The following HDAC9 variants were observed in gnomAD, a reference collection of about 807,000 sequenced individuals.
The protein encoded by HDAC9 is MEF-2 interacting transcription repressor (MITR) protein.
HDAC9 carries 41 observed loss-of-function variants against 139.4 expected under a neutral mutation model. The observed-to-expected ratio is 0.29, with a 90% CI of 0.23 to 0.38. The LOEUF is 0.38. HDAC9 is among the 10% of genes least tolerant of loss of function. The pLI is 1.00. For synonymous variants in HDAC9, 517 were observed against 476.2 expected (o/e 1.09, Z -1.12); for missense variants, 1,147 against 1,297.0 (o/e 0.88, Z 1.78).
intron 6 of HDAC9, among the ~76,000 whole-genome samples, chr7:18,617,928 C>T (rs1038681720): frequency 5.3e-5 from 8 of 152,060 alleles, no homozygotes; most frequent in East Asian, 3.8e-4. Flanking sequence ...TAACTGCTTC[C>T]GGATGACTGT....
At chr7:18,931,971 G>A (rs1167927834) in intron 22 of HDAC9, among the ~76,000 whole-genome samples, 1 of 152,112 alleles carries the variant, frequency 6.6e-6, no homozygotes, top group African/African-American at 2.4e-5. Context: ...AACACAAAGT[G>A]TGAACCTCAA....
At chr7:18,865,391 A>T (rs1352718381) in intron 21 of HDAC9, among the ~76,000 whole-genome samples, 1 of 152,164 alleles carries the variant, frequency 6.6e-6, no homozygotes, top group African/African-American at 2.4e-5. Context: ...GGGAGTGGTA[A>T]AAGAGAGAAG....
At chr7:18,107,037 T>C (rs558660728) in intron 1 of HDAC9, among the ~76,000 whole-genome samples, 159 of 152,342 alleles carry the variant, frequency 1.0e-3, no homozygotes, top group African/African-American at 3.5e-3. Flanking sequence ...TTATGTTTCA[T>C]AGTTTTTAAA....
At chr7:18,779,282 A>T (rs1250029726) in intron 16 of HDAC9, among the ~76,000 whole-genome samples, 1 of 152,082 alleles carries the variant, frequency 6.6e-6, no homozygotes, top group Non-Finnish European at 1.5e-5. Context: ...TCAGCAGAAC[A>T]TCTAACACGA....
exon 1 of HDAC9, chr7:18,086,987 C>G (rs1562603781): frequency 1.3e-5 from 2 of 149,916 alleles, no homozygotes; most frequent in East Asian, 2.0e-4. Flanking sequence ...GCCCGCCGCT[C>G]TCGCCGCTTT....
chr7:18,349,579 A>G (rs1187040472), intron 1 of HDAC9, among the ~76,000 whole-genome samples: 1 of 151,970 alleles, frequency 6.6e-6, no homozygotes, highest in African/African-American at 2.4e-5. Context: ...GAATTGGGGG[A>G]CATATCTGAT....
intron 11 of HDAC9, among the ~76,000 whole-genome samples, chr7:18,653,407 G>T (rs577445722): frequency 6.6e-6 from 1 of 151,724 alleles, no homozygotes; most frequent in South Asian, 2.1e-4. Context: ...TTGCTTGCTC[G>T]CTTGTTCTCT....
intron 12 of HDAC9, among the ~76,000 whole-genome samples, chr7:18,692,519 C>G (rs943931771): frequency 2.6e-5 from 4 of 152,090 alleles, no homozygotes; most frequent in Non-Finnish European, 5.9e-5. Context: ...TGAACTGTAA[C>G]TTAAAACAAA....
intron 22 of HDAC9, among the ~76,000 whole-genome samples, chr7:18,914,576 A>G (rs990114550): frequency 5.3e-5 from 8 of 152,066 alleles, no homozygotes; most frequent in Admixed American, 1.3e-4. Context: ...ATAATTTAAC[A>G]TTTATAATGG....
chr7:18,495,217 G>A (rs923835111), upstream of HDAC9, among the ~76,000 whole-genome samples: 3 of 152,012 alleles, frequency 2.0e-5, no homozygotes, highest in African/African-American at 7.2e-5. Context: ...CTGAGAAACA[G>A]GCAACAAAAA....
intron 25 of HDAC9, among the ~76,000 whole-genome samples, chr7:18,987,535 G>T (rs1409261967): frequency 6.6e-6 from 1 of 151,462 alleles, no homozygotes; most frequent in Non-Finnish European, 1.5e-5. Context: ...TCTCTTTTTT[G>T]GTTGTGTCTC....
At chr7:18,826,924 G>T (rs143278789) in intron 17 of HDAC9, among the ~76,000 whole-genome samples, 252 of 150,704 alleles carry the variant, frequency 1.7e-3, no homozygotes, top group African/African-American at 6.0e-3. Context: ...TTCCCCATTA[G>T]ATAATTCATT....
intron 1 of HDAC9, among the ~76,000 whole-genome samples, chr7:18,348,943 C>A (rs995183995): frequency 6.6e-6 from 1 of 152,124 alleles, no homozygotes; most frequent in African/African-American, 2.4e-5. Flanking sequence ...GTAATTGAGA[C>A]AGCATCTTAT....
chr7:18,700,077 G>C (rs1783348793), intron 12 of HDAC9, among the ~76,000 whole-genome samples: 1 of 152,038 alleles, frequency 6.6e-6, no homozygotes, highest in South Asian at 2.1e-4. Flanking sequence ...GATGGTTATA[G>C]AGTAACAGGC....
chr7:18,187,356 A>G (rs978724696), intron 2 of HDAC9, among the ~76,000 whole-genome samples: 1 of 152,244 alleles, frequency 6.6e-6, no homozygotes, highest in Non-Finnish European at 1.5e-5. Flanking sequence ...GGAGAAAAGT[A>G]GAACTGGGAT....
chr7:18,657,533 C>A (rs1165785762), intron 11 of HDAC9, among the ~76,000 whole-genome samples: 1 of 152,078 alleles, frequency 6.6e-6, no homozygotes, highest in Non-Finnish European at 1.5e-5. Flanking sequence ...TAAAGATTAT[C>A]AGGGAAAGAA....
At chr7:18,365,858 C>T (rs1784137097) in intron 1 of HDAC9, among the ~76,000 whole-genome samples, 1 of 151,326 alleles carries the variant, frequency 6.6e-6, no homozygotes, top group South Asian at 2.1e-4. Context: ...TAGTAATTTC[C>T]AAATAGAGTT....
chr7:18,330,014 G>T (rs1304829409), intron 1 of HDAC9, among the ~76,000 whole-genome samples: 5 of 150,802 alleles, frequency 3.3e-5, no homozygotes, highest in East Asian at 2.0e-4. Flanking sequence ...TGTTCCGTGT[G>T]TGAGAATAAT....
In HDAC9 at chr7:18,652,438, C is replaced by G. The variant is rs569662604; in HGVS notation, c.1467+3755C>G. Among the ~76,000 whole-genome samples the G allele has an allele frequency of 1.1e-3, 162 of 152,038 alleles. 1 individual carries two copies. Among genetic ancestry groups the G allele is most frequent in the African/African-American group, 3.7e-3 (154 of 41,498 alleles). Reference sequence around the variant, plus strand: ...TAATTGATTAAAACAGAATACGTAACAGTTGTTTAGACATACTGATGATTT... The same window carrying G: ...TAATTGATTAAAACAGAATACGTAAGAGTTGTTTAGACATACTGATGATTT... On this transcript the variant is annotated intron_variant, in intron 11 of 25. Transcript: ENST00000686413.
Sources: gnomAD v4.1 joint callset for allele counts (sites outside exome capture counted in the v4.1 genomes callset) on GRCh38, gnomAD v4.1.1 for gene constraint, MANE v1.5 for transcripts, NCBI Gene and HGNC (gene_info 2026-07-23, HGNC 2026-07-21) for gene names.